Variants in TBC1D16 observed in about 807,000 individuals in gnomAD.
TBC1D16 encodes TBC1 domain family member 16.
A neutral mutation model predicts 74.7 loss-of-function variants in TBC1D16; 58 were observed. The ratio of observed to expected loss-of-function variants is 0.78; its 90% CI spans 0.63 to 0.97. The LOEUF (loss-of-function observed/expected upper bound fraction) is 0.97, where lower values mean the gene tolerates loss of function less well. Ranked by LOEUF, TBC1D16 falls within the 50% of genes least tolerant of loss-of-function variation. The pLI, the probability that TBC1D16 is intolerant of heterozygous loss-of-function variation, is 0.00. For missense variants in TBC1D16, 1,014 were observed against 1,079.5 expected (o/e 0.94, Z 0.85); for synonymous variants, 493 against 474.7 (o/e 1.04, Z -0.50).
Position 79,988,472 on chromosome 17 carries a change from C to T in TBC1D16, c.779+21688G>A, listed in dbSNP as rs954702398. Among the ~76,000 whole-genome samples the T allele has an allele frequency of 6.6e-6, 1 of 152,234 alleles. No individual in the cohort carries two copies. The highest frequency in any genetic ancestry group is 1.5e-5 in the Non-Finnish European group (1 of 68,048). On this transcript the variant is annotated intron_variant, in intron 3 of 11. Transcript: ENST00000310924. The surrounding 1 kb of genome is among the most constrained non-coding windows in gnomAD (Gnocchi z 5.7). ...CCCAAGGGGCAGAGGGGGCAGCAAC[C>T]GGACGGAAGCTGCCCAATCATAAGA...
intron 1 of TBC1D16, among the ~76,000 whole-genome samples, chr17:80,030,999 G>A (rs1233818765): frequency 2.0e-5 from 3 of 152,314 alleles, no homozygotes; most frequent in East Asian, 1.9e-4. Flanking sequence ...CAAGGATCGC[G>A]TTGCCCCCGC....
At position 79,942,040 on chromosome 17, in the gene TBC1D16, C is replaced by G; in HGVS notation, c.2055+20G>C. On this transcript the variant is annotated intron_variant, in intron 11 of 11. Coordinates refer to ENST00000310924, the MANE Select transcript of TBC1D16 (RefSeq NM_019020.4). ...TTTGGGGGCGGGGCGGGGTGGGGCC[C>G]ACATCTGGGGCAGCCTCACCTTCCG... The G allele has an allele frequency of 1.4e-5, 23 of 1,600,172 alleles. No homozygotes were observed. The highest frequency in any genetic ancestry group is 1.9e-5 in the Non-Finnish European group (22 of 1,175,628).
At position 79,947,642 on chromosome 17, in the gene TBC1D16, C is replaced by T. The variant is rs200186527; in HGVS notation, c.1728+3G>A. On this transcript the variant is annotated splice_donor_region_variant and intron_variant, in intron 9 of 11. Coordinates refer to ENST00000310924, the MANE Select transcript of TBC1D16 (RefSeq NM_019020.4). ...TGGACGCACCCATCCCCCTGAGCCT[C>T]ACCAGTTGTTTCTCCATGTCCTCGT... is the stretch of plus-strand genomic sequence containing the variant. 33 of 1,614,072 alleles carry T rather than the reference C, an allele frequency of 2.0e-5. No homozygotes were observed. The highest frequency in any genetic ancestry group is 3.3e-5 in the Admixed American group (2 of 60,024).
At position 79,941,874 on chromosome 17, in the gene TBC1D16, C is replaced by G. The variant is rs12602775; in HGVS notation, c.2055+186G>C. 6.6e-6 allele frequency among the ~76,000 whole-genome samples: 1 copy of G among 150,716 alleles called. No homozygotes were observed. Among genetic ancestry groups the G allele is most frequent in the Non-Finnish European group, 1.5e-5 (1 of 67,778 alleles). ...GCCAGGCCGAGACAGGTGCTGACCA[C>G]GAGGCCTTAGTGGGGAGCCCCCAGT... is the stretch of plus-strand genomic sequence containing the variant. On this transcript the variant is annotated intron_variant, in intron 11 of 11. Transcript: ENST00000310924. The surrounding 1 kb of genome is among the most constrained non-coding windows in gnomAD (Gnocchi z 4.3).
intron 1 of TBC1D16, among the ~76,000 whole-genome samples, chr17:80,020,712 T>C (rs1229262647): frequency 6.7e-6 from 1 of 150,276 alleles, no homozygotes; most frequent in Non-Finnish European, 1.5e-5. Context: ...CACATTTTAA[T>C]ACATAAATCT....
chr17:79,970,639 T>C (rs914423940), intron 3 of TBC1D16, among the ~76,000 whole-genome samples: 2 of 151,644 alleles, frequency 1.3e-5, no homozygotes, highest in Admixed American at 1.3e-4. Flanking sequence ...CAGCAAACGG[T>C]AAACGGGTCA....
chr17:80,005,561 G>A (rs1042082196), intron 3 of TBC1D16, among the ~76,000 whole-genome samples: 4 of 152,240 alleles, frequency 2.6e-5, no homozygotes, highest in Admixed American at 2.6e-4. Context: ...CCCCGGCTCG[G>A]GGAAGCTCAG....
At chr17:80,027,830 T>C (rs1477582123) in intron 1 of TBC1D16, among the ~76,000 whole-genome samples, 1 of 146,664 alleles carries the variant, frequency 6.8e-6, no homozygotes, top group African/African-American at 2.5e-5. Context: ...AGGCAGAGGT[T>C]GCAGTGAGCT....
chr17:79,970,557 C>T (rs963249355), intron 3 of TBC1D16, among the ~76,000 whole-genome samples: 1 of 152,216 alleles, frequency 6.6e-6, no homozygotes, highest in African/African-American at 2.4e-5. Context: ...GGGTGTCCCC[C>T]ACCCTCTCAA....
In TBC1D16 at chr17:80,001,556, G is replaced by A. The variant is rs1289306565; in HGVS notation, c.779+8604C>T. On this transcript the variant is annotated intron_variant, in intron 3 of 11. Coordinates refer to ENST00000310924, the MANE Select transcript of TBC1D16 (RefSeq NM_019020.4). This position sits in a 1 kb window ranked among gnomAD's most constrained non-coding sequence, Gnocchi z 5.8. ...GCGGGCGCTCTCGGGGTATCCCCGGGCGCCCTGGTTGGCCCACGACCGGGA... is the reference window on the plus strand; with the variant it reads ...GCGGGCGCTCTCGGGGTATCCCCGGACGCCCTGGTTGGCCCACGACCGGGA... Among the ~76,000 whole-genome samples the A allele has an allele frequency of 6.6e-6, 1 of 152,138 alleles. No homozygotes were observed. Among genetic ancestry groups the A allele is most frequent in the Non-Finnish European group, 1.5e-5 (1 of 68,004 alleles).
In TBC1D16 at chr17:79,941,909, G is replaced by A. The variant is rs983000562; in HGVS notation, c.2055+151C>T. On this transcript the variant is annotated intron_variant, in intron 11 of 11. Coordinates refer to ENST00000310924, the MANE Select transcript of TBC1D16 (RefSeq NM_019020.4). This position sits in a 1 kb window ranked among gnomAD's most constrained non-coding sequence, Gnocchi z 4.3. ...GTGGGGAGCCCCCAGTGCTATGGGT[G>A]GGGGAGGGCACGTGCTGGGGGGCCA... 1 of 684,440 alleles carries A rather than the reference G, an allele frequency of 1.5e-6. No homozygotes were observed. 42.4% of individuals were successfully genotyped at this position (684,440 alleles called of 1,614,324 possible).
intron 3 of TBC1D16, among the ~76,000 whole-genome samples, chr17:80,003,238 G>A (rs2035557609): frequency 6.6e-6 from 1 of 152,230 alleles, no homozygotes; most frequent in Admixed American, 6.5e-5. Flanking sequence ...GGCAGGAACT[G>A]CATGACAGAA....
intron 3 of TBC1D16, among the ~76,000 whole-genome samples, chr17:79,998,177 G>A (rs995956750): frequency 6.7e-6 from 1 of 149,970 alleles, no homozygotes; most frequent in African/African-American, 2.4e-5. Context: ...AAAGAATAGT[G>A]TCGCTGCCTT....
chr17:80,025,103 T>TGACAC (rs1568649930), intron 1 of TBC1D16, among the ~76,000 whole-genome samples: 1 of 79,766 alleles, frequency 1.3e-5, no homozygotes. Flanking sequence ...ACACACCATA[T>TGACAC]ACACACAAAC....
intron 3 of TBC1D16, among the ~76,000 whole-genome samples, chr17:79,972,186 C>A (rs79121539): frequency 6.6e-6 from 1 of 151,342 alleles, no homozygotes; most frequent in Non-Finnish European, 1.5e-5. Flanking sequence ...CTTTTTTTTT[C>A]TTCCCCCTGA....
intron 3 of TBC1D16, among the ~76,000 whole-genome samples, chr17:79,968,808 G>A (rs1338274262): frequency 2.5e-5 from 3 of 119,326 alleles, no homozygotes; most frequent in African/African-American, 6.6e-5. Context: ...AGCTGAGATC[G>A]CACCACTGCA....
rs376544287 is a variant in TBC1D16 at position 80,019,446 on chromosome 17, C to T, written c.-62-5837G>A. Among the ~76,000 whole-genome samples, 48 of 144,230 alleles carry T rather than the reference C, an allele frequency of 3.3e-4. 5 individuals are homozygous for T. The highest frequency in any genetic ancestry group is 1.3e-3 in the African/African-American group (47 of 36,756). 94.6% of individuals were successfully genotyped at this position (144,230 alleles called of 152,430 possible). A position where few individuals can be genotyped will look rare whatever the true frequency, so the allele number is the denominator to read the frequency against. Reference sequence around the variant, plus strand: ...ACCTGGGACACCAGGACAACCCCCCCCCGCCCCTCCCAGATTGTTCTGGAG... The same window carrying T: ...ACCTGGGACACCAGGACAACCCCCCTCCGCCCCTCCCAGATTGTTCTGGAG... On this transcript the variant is annotated intron_variant, in intron 1 of 11. Coordinates refer to ENST00000310924, the MANE Select transcript of TBC1D16 (RefSeq NM_019020.4).
In TBC1D16 at chr17:79,981,907, GCGCACACACACA is replaced by G. The variant is rs898677369; in HGVS notation, c.779+28241_779+28252del. 2.6e-5 allele frequency among the ~76,000 whole-genome samples: 4 copies of G among 152,316 alleles called. No homozygotes were observed. The highest frequency in any genetic ancestry group is 3.4e-3 in the Middle Eastern group (1 of 294). On this transcript the variant is annotated intron_variant, in intron 3 of 11. Coordinates refer to ENST00000310924, the MANE Select transcript of TBC1D16 (RefSeq NM_019020.4). This position sits in a 1 kb window ranked among gnomAD's most constrained non-coding sequence, Gnocchi z 6.9. ...ACGCGGCCCTCCGGGGCTTCCCTGT[GCGCACACACACA>G]CGCACACACACACACATGCACATGT...
rs1568610218 is a variant in TBC1D16 at position 79,983,170 on chromosome 17, T to C, written c.779+26990A>G. Among the ~76,000 whole-genome samples, 1 of 152,166 alleles carries C rather than the reference T, an allele frequency of 6.6e-6. No individual in the cohort carries two copies. Among genetic ancestry groups the C allele is most frequent in the Non-Finnish European group, 1.5e-5 (1 of 68,018 alleles). Reference sequence around the variant, plus strand: ...GCTACGTCCCTCACCAACAGGCCGCTGTGCAGGCGTGAAACCCAGTGGCGG... The same window carrying C: ...GCTACGTCCCTCACCAACAGGCCGCCGTGCAGGCGTGAAACCCAGTGGCGG... On this transcript the variant is annotated intron_variant, in intron 3 of 11. Transcript: ENST00000310924. The surrounding 1 kb of genome is among the most constrained non-coding windows in gnomAD (Gnocchi z 5.6).
Sources: gnomAD v4.1 joint callset for allele counts (sites outside exome capture counted in the v4.1 genomes callset) on GRCh38, gnomAD v4.1.1 for gene constraint, Gnocchi (gnomAD v3.1) non-coding constraint, MANE v1.5 for transcripts, NCBI Gene and HGNC (gene_info 2026-07-23, HGNC 2026-07-21) for gene names.